PLPPR1: variants seen among roughly 807,000 people sequenced by gnomAD.
PLPPR1 encodes the protein phospholipid phosphatase related 1, also known as phospholipid phosphatase-related protein type 1.
PLPPR1 carries 10 observed loss-of-function variants against 33.1 expected under a neutral mutation model. The observed-to-expected ratio is 0.30, with a 90% confidence interval of 0.19 to 0.51. The LOEUF is 0.51. Among genes scored for constraint, PLPPR1 ranks in the 20% least tolerant of loss-of-function variants. PLPPR1 has a pLI of 0.97. For synonymous variants in PLPPR1, 151 were observed against 151.0 expected, an observed-to-expected ratio of 1.00 and a Z score of 0.00; for missense variants, 304 against 408.1, an observed-to-expected ratio of 0.74 and a Z score of 2.20.
At chr9:101,248,579 T>C (rs751519928) in intron 2 of PLPPR1, among the ~76,000 whole-genome samples, 2 of 152,026 alleles carry the variant, frequency 1.3e-5, no homozygotes, top group South Asian at 4.1e-4. Context: ...TTAGATTACT[T>C]TTCATAACCT....
chr9:101,158,399 A>C (rs143949493), intron 1 of PLPPR1, among the ~76,000 whole-genome samples: 2 of 152,322 alleles, frequency 1.3e-5, no homozygotes, highest in African/African-American at 4.8e-5. Flanking sequence ...ACCAGAATTC[A>C]AATGAAGAAG....
intron 1 of PLPPR1, among the ~76,000 whole-genome samples, chr9:101,034,462 C>T: frequency 6.6e-6 from 1 of 152,118 alleles, no homozygotes; most frequent in South Asian, 2.1e-4. Context: ...GTTTATGTAG[C>T]ACAGCGGTTA....
At chr9:101,053,087 T>G (rs1440116409) in intron 1 of PLPPR1, among the ~76,000 whole-genome samples, 1 of 152,182 alleles carries the variant, frequency 6.6e-6, no homozygotes, top group Non-Finnish European at 1.5e-5. Flanking sequence ...CAGATTCACA[T>G]GTTAAATAGC....
intron 1 of PLPPR1, among the ~76,000 whole-genome samples, chr9:101,161,873 A>C (rs1216082832): frequency 3.9e-5 from 6 of 152,116 alleles, no homozygotes; most frequent in Admixed American, 3.3e-4. Context: ...TATTTAATTC[A>C]TAGCATTCAT....
intron 3 of PLPPR1, among the ~76,000 whole-genome samples, chr9:101,279,419 T>C (rs1268287485): frequency 6.6e-6 from 1 of 152,144 alleles, no homozygotes; most frequent in Non-Finnish European, 1.5e-5. Context: ...ATTGGACAGA[T>C]AGTTCAGACA....
rs148546329 is a variant in PLPPR1 at position 101,033,817 on chromosome 9, A to G, written c.-46+4715A>G. Among the ~76,000 whole-genome samples the G allele has an allele frequency of 3.6e-4, 55 of 152,310 alleles. No individual in the cohort carries two copies. The East Asian group carries it at 9.8e-3, about 27-fold the overall frequency. ...AGCTTGTCCATAGCTACCAAGTTAC[A>G]AAGTATCAGAGTCAGGTCTCAAAGC... is the stretch of plus-strand genomic sequence containing the variant. On this transcript the variant is annotated intron_variant, in intron 1 of 7. Transcript: ENST00000374874.
intron 2 of PLPPR1, among the ~76,000 whole-genome samples, chr9:101,210,857 T>C (rs537010603): frequency 6.6e-6 from 1 of 152,328 alleles, no homozygotes; most frequent in South Asian, 2.1e-4. Context: ...AAGCTCCGCC[T>C]CCTGGGTTCA....
intron 3 of PLPPR1, among the ~76,000 whole-genome samples, chr9:101,282,114 CACA>C (rs1378045121): frequency 2.0e-5 from 3 of 152,064 alleles, no homozygotes; most frequent in East Asian, 1.9e-4. Flanking sequence ...CAGAGAAGGA[CACA>C]ACAACACAGG....
At chr9:101,132,099 C>T (rs900193503) in intron 1 of PLPPR1, among the ~76,000 whole-genome samples, 1 of 152,162 alleles carries the variant, frequency 6.6e-6, no homozygotes, top group African/African-American at 2.4e-5. Context: ...ATAGTAATGT[C>T]TAGTGACGTT....
chr9:101,179,057 C>G (rs763964217), intron 1 of PLPPR1, among the ~76,000 whole-genome samples: 1 of 152,118 alleles, frequency 6.6e-6, no homozygotes, highest in Non-Finnish European at 1.5e-5. Flanking sequence ...AAGGGAGTGA[C>G]AGTATTGGCT....
intron 3 of PLPPR1, among the ~76,000 whole-genome samples, chr9:101,285,153 C>A (rs567559765): frequency 3.3e-5 from 5 of 152,180 alleles, no homozygotes; most frequent in East Asian, 1.9e-4. Flanking sequence ...GGTAATTAAC[C>A]TTTTACTTTT....
intron 4 of PLPPR1, among the ~76,000 whole-genome samples, chr9:101,293,357 GAC>G (rs1828556273): frequency 6.6e-6 from 1 of 151,776 alleles, no homozygotes; most frequent in South Asian, 2.1e-4. Context: ...AATAATGGGA[GAC>G]TTTAACACCC....
At chr9:101,246,107 T>TATAGATAG (rs1249953933) in intron 2 of PLPPR1, among the ~76,000 whole-genome samples, 1,279 of 97,672 alleles carry the variant, frequency 0.013, 42 homozygotes, top group East Asian at 0.022. Context: ...TATATATATA[T>TATAGATAG]ATAGATAGAT....
intron 1 of PLPPR1, among the ~76,000 whole-genome samples, chr9:101,156,613 A>T (rs951973130): frequency 2.8e-4 from 42 of 151,942 alleles, no homozygotes; most frequent in African/African-American, 8.2e-4. Flanking sequence ...TGCAGAAGCA[A>T]ACTAATAGAA....
At chr9:101,073,373 T>C (rs956892912) in intron 1 of PLPPR1, among the ~76,000 whole-genome samples, 3 of 152,126 alleles carry the variant, frequency 2.0e-5, no homozygotes, top group African/African-American at 7.2e-5. Flanking sequence ...GAAAAGACTC[T>C]CTTCAATTGG....
At chr9:101,120,217 T>A (rs901395076) in intron 1 of PLPPR1, among the ~76,000 whole-genome samples, 2 of 152,222 alleles carry the variant, frequency 1.3e-5, no homozygotes, top group African/African-American at 4.8e-5. Flanking sequence ...ATTTTCCATT[T>A]TATTTTTACT....
chr9:101,048,447 T>C (rs939288160), intron 1 of PLPPR1, among the ~76,000 whole-genome samples: 23 of 152,184 alleles, frequency 1.5e-4, no homozygotes, highest in African/African-American at 4.6e-4. Context: ...AGAAACTGTG[T>C]TAACTTCTTA....
intron 1 of PLPPR1, among the ~76,000 whole-genome samples, chr9:101,154,667 G>A (rs1411259654): frequency 2.6e-5 from 4 of 152,070 alleles, no homozygotes; most frequent in Admixed American, 1.3e-4. Flanking sequence ...GCACACGTAT[G>A]TTTATTGCAG....
intron 2 of PLPPR1, among the ~76,000 whole-genome samples, chr9:101,215,334 C>T (rs1826771244): frequency 6.6e-6 from 1 of 151,964 alleles, no homozygotes; most frequent in Non-Finnish European, 1.5e-5. Flanking sequence ...GGCTGGAGTG[C>T]AGTGGCACCA....
Sources: gnomAD v4.1 joint callset for allele counts (sites outside exome capture counted in the v4.1 genomes callset) on GRCh38, gnomAD v4.1.1 for gene constraint, MANE v1.5 for transcripts, NCBI Gene and HGNC (gene_info 2026-07-23, HGNC 2026-07-21) for gene names.